Variants in NEB observed in about 807,000 individuals in gnomAD.
NEB encodes the protein nebulin.
In NEB, 512 loss-of-function variants were observed where a neutral mutation model predicts 952.2. The observed-to-expected ratio is 0.54, with a 90% CI of 0.50 to 0.58. The LOEUF (loss-of-function observed/expected upper bound fraction) is 0.58. NEB is among the 20% of genes least tolerant of loss of function. NEB has a pLI of 0.00. For missense variants in NEB, 8,428 were observed against 9,231.1 expected, an observed-to-expected ratio of 0.91 and a Z score of 3.56; for synonymous variants, 2,900 against 3,149.8, an observed-to-expected ratio of 0.92 and a Z score of 2.66.
At chr2:151,674,801 G>A (rs1312273356) in intron 35 of NEB, among the ~76,000 whole-genome samples, 2 of 152,182 alleles carry the variant, frequency 1.3e-5, no homozygotes, top group African/African-American at 4.8e-5. Context: ...ATATTGAAGA[G>A]AGGAATATTG....
intron 13 of NEB, among the ~76,000 whole-genome samples, chr2:151,697,984 T>C (rs540950468): frequency 6.0e-4 from 92 of 152,318 alleles, no homozygotes; most frequent in African/African-American, 2.0e-3. Context: ...GAGAATTGCT[T>C]GAACCCGGGA....
chr2:151,650,535 G>A (rs753488259), intron 53 of NEB, 39 bp downstream of exon 53: 1 of 1,510,348 alleles, frequency 6.6e-7, no homozygotes, highest in African/African-American at 1.4e-5. Context: ...TATAAAATAT[G>A]AATTAATATA....
intron 121 of NEB, 113 bp from the exon 122 acceptor site, chr2:151,561,425 T>C (rs1012442546): frequency 1.4e-6 from 1 of 729,804 alleles, no homozygotes; most frequent in African/African-American, 1.7e-5. Flanking sequence ...GCTTTAATCC[T>C]AACAAACAGG....
At chr2:151,505,067 T>C (rs1375629492) in intron 165 of NEB, among the ~76,000 whole-genome samples, 5 of 151,774 alleles carry the variant, frequency 3.3e-5, no homozygotes, top group Admixed American at 6.6e-5. Context: ...CACACACACA[T>C]GTTTTATATA....
At chr2:151,726,442 T>G (rs2099790647) in intron 5 of NEB, among the ~76,000 whole-genome samples, 1 of 152,220 alleles carries the variant, frequency 6.6e-6, no homozygotes, top group Non-Finnish European at 1.5e-5. Flanking sequence ...TTGCTCAACC[T>G]CAATAGGATG....
rs551649582 is a variant in NEB, at chr2:151,493,361, T to C, written c.24757A>G (p.Ile8253Val). The C allele has an allele frequency of 8.9e-5, 144 of 1,609,910 alleles. No homozygotes were observed. The East Asian group carries it at 3.0e-3, about 34-fold the overall frequency. ...MERAKRNQEN[I>V]SSVLYSDSFR... ...TTAGTCCTAGAAAATACCGAGCTAA[T>C]GTTTTCTTGGTTGCGCTTAGCTCTC... The change falls in exon 176 of 182, where the codon ATT (isoleucine) becomes GTT (valine). Residue 8253 changes from isoleucine (I) to valine (V), a missense_variant. By Grantham distance (29) the Ile-to-Val change is conservative. Coordinates refer to ENST00000397345, the MANE Select transcript of NEB (RefSeq NM_001164508.2).
Position 151,695,586 on chromosome 2 carries a change from A to T in NEB, c.1666T>A (p.Leu556Met), listed in dbSNP as rs1576634205. 6.2e-7 allele frequency: 1 copy of T among 1,612,876 alleles called. No homozygotes were observed. Among genetic ancestry groups the T allele is most frequent in the African/African-American group, 1.3e-5 (1 of 75,020 alleles). ...FIQHKVNAYN[L>M]SDNLYKQDWE... ...GGGCATAAGGAACTTACATCACTCAAGTTATAGGCATTGACTTTGTGCTGG... is the reference window on the plus strand; with the variant it reads ...GGGCATAAGGAACTTACATCACTCATGTTATAGGCATTGACTTTGTGCTGG... Residue 556 changes from leucine to methionine, a missense_variant, in exon 18 of 182, where the codon TTG (leucine) becomes ATG (methionine). This residue lies in a region of NEB where 2,851 missense variants were observed against 2,791.5 expected (regional missense o/e 1.02). Transcript: ENST00000397345.
chr2:151,604,555 C>T lies in NEB; in HGVS notation c.13059+5G>A, dbSNP rs1216016300. The T allele has an allele frequency of 6.4e-6, 2 of 314,156 alleles. No homozygotes were observed. Among genetic ancestry groups the T allele is most frequent in the Non-Finnish European group, 1.0e-5 (2 of 190,902 alleles). 19.5% of individuals were successfully genotyped at this position (314,156 alleles called of 1,614,324 possible). A position where few individuals can be genotyped will look rare whatever the true frequency, so the allele number is the denominator to read the frequency against. On this transcript the variant is annotated splice_donor_5th_base_variant and intron_variant, in intron 85 of 181. Transcript: ENST00000397345. ...CTCCCCGGGGTCTGGCGATAATATA[C>T]GCACATCGCTCTGCAGGTCGTAGGC...
At chr2:151,719,488 C>T (rs6715755) in intron 9 of NEB, among the ~76,000 whole-genome samples, 101,904 of 151,662 alleles carry the variant, frequency 0.67, 38,103 homozygotes, top group Non-Finnish European at 0.83. Context: ...TACCTAGTGC[C>T]TATAACAAAA....
rs202113159 is a variant in NEB at position 151,665,346 on chromosome 2, A to C, written c.5225T>G (p.Leu1742Arg). The C allele has an allele frequency of 2.3e-4, 372 of 1,613,268 alleles. 2 individuals are homozygous for C. Among genetic ancestry groups the C allele is most frequent in the Non-Finnish European group, 3.0e-4 (349 of 1,179,718 alleles). Residue 1742 changes from leucine to arginine, a missense_variant, in exon 42 of 182, where the codon CTG becomes CGG. By Grantham distance (102) the Leu-to-Arg change is moderately radical (BLOSUM62 -2). Coordinates refer to ENST00000397345, the MANE Select transcript of NEB (RefSeq NM_001164508.2). ...GTGAGTCCTTACCTTGTCCATGTTC[A>C]GTTTGTTACTCTTGTTAAGTGCCTG... ...MEQALNKSNK[L>R]NMDKRLYTEK... is the part of the protein sequence containing the mutation.
chr2:151,679,662 C>A (rs1005703421), intron 32 of NEB, 59 bp downstream of exon 32: 2 of 494,668 alleles, frequency 4.0e-6, no homozygotes, highest in Non-Finnish European at 8.1e-6. Flanking sequence ...CATCGTCAGA[C>A]CCCAAGCCCA....
chr2:151,496,880 T>TGAAA, intron 172 of NEB, 61 bp downstream of exon 172: 1 of 1,461,702 alleles, frequency 6.8e-7, no homozygotes, highest in Middle Eastern at 1.7e-4. Context: ...ATGTATTATT[T>TGAAA]TAAATCATGA....
At chr2:151,649,011 G>A (rs1272328689) in intron 54 of NEB, among the ~76,000 whole-genome samples, 1 of 152,060 alleles carries the variant, frequency 6.6e-6, no homozygotes, top group African/African-American at 2.4e-5. Context: ...GTCCCAGAAC[G>A]TGTATATCGA....
rs569675501 is a variant in NEB at position 151,651,024 on chromosome 2, C to A, written c.6916-139G>T. The A allele has an allele frequency of 5.4e-5, 41 of 764,824 alleles. No homozygotes were observed. In the East Asian group the frequency reaches 1.0e-3, roughly 19 times the overall value. 47.4% of individuals were successfully genotyped at this position (764,824 alleles called of 1,614,324 possible). On this transcript the variant is annotated intron_variant, in intron 52 of 181. Transcript: ENST00000397345. ...GGCTGGTCTTGAACTCCCAGGCCTA[C>A]TTTTCTAGCTTCAGCCTCCCTAGTA...
In NEB at chr2:151,497,727, TAAG is replaced by T. The variant is rs1238085032; in HGVS notation, c.24208-12_24208-10del. Reference sequence around the variant, plus strand: ...TTTTCTTTGTATAACACCTGTGCGATAAGAAAGCATCCAGAAAAACAACCATGA... The same window carrying T: ...TTTTCTTTGTATAACACCTGTGCGATAAAGCATCCAGAAAAACAACCATGA... On this transcript the variant is annotated splice_polypyrimidine_tract_variant and intron_variant, in intron 170 of 181. Coordinates refer to ENST00000397345, the MANE Select transcript of NEB (RefSeq NM_001164508.2). The T allele has an allele frequency of 2.6e-6, 4 of 1,566,262 alleles. No individual in the cohort carries two copies. Among genetic ancestry groups the T allele is most frequent in the South Asian group, 1.2e-5 (1 of 84,746 alleles).
chr2:151,529,285 A>C lies in NEB; in HGVS notation c.21660T>G (p.Asn7220Lys), dbSNP rs2088900931. The part of the protein sequence containing the change: ...DLKYKEVYQR[N>K]KSNCTIEPDA... ...CTGGCTCAATGGTGCAGTTGGATTT[A>C]TTTCTTTGGTATACTTCTTTGTATT... The change falls in exon 146 of 182, where the codon AAT (asparagine) becomes AAG (lysine). Residue 7220 changes from asparagine to lysine, a missense_variant. By Grantham distance (94) the Asn-to-Lys change is moderately conservative. Around this residue, in one of 11 missense-constraint regions of NEB, gnomAD observed 3,374 missense variants for 3,651.5 expected, o/e 0.92. Coordinates refer to ENST00000397345, the MANE Select transcript of NEB (RefSeq NM_001164508.2). The C allele has an allele frequency of 3.1e-6, 5 of 1,613,014 alleles. No individual in the cohort carries two copies. Among genetic ancestry groups the C allele is most frequent in the African/African-American group, 1.3e-5 (1 of 74,878 alleles).
intron 135 of NEB, among the ~76,000 whole-genome samples, chr2:151,545,620 T>C (rs1284864062): frequency 1.3e-5 from 2 of 151,328 alleles, no homozygotes; most frequent in Non-Finnish European, 2.9e-5. Context: ...TATAAAATCA[T>C]GCAAAACCCC....
intron 37 of NEB, among the ~76,000 whole-genome samples, chr2:151,671,756 G>T (rs1228616207): frequency 6.6e-6 from 1 of 152,028 alleles, no homozygotes; most frequent in East Asian, 1.9e-4. Flanking sequence ...AGCTCATCTG[G>T]GGAGCAATAT....
intron 134 of NEB, 92 bp downstream of exon 134, chr2:151,546,253 G>T: frequency 3.0e-6 from 3 of 1,007,566 alleles, no homozygotes; most frequent in Non-Finnish European, 3.0e-6. Context: ...GTAGCTGCAG[G>T]CTAAGATCCC....
Sources: allele counts gnomAD v4.1 joint callset (sites outside exome capture counted in the v4.1 genomes callset), GRCh38; gene constraint gnomAD v4.1.1; regional missense constraint gnomAD v4.1.1; transcripts MANE v1.5; gene names NCBI Gene and HGNC (gene_info 2026-07-23, HGNC 2026-07-21).